Variants in CDH22 observed in about 807,000 individuals in gnomAD.
The protein encoded by CDH22 is cadherin 22.
Under a neutral mutation model 58.4 loss-of-function variants are expected in CDH22, and 30 were observed. That is an observed-to-expected ratio of 0.51 (90% CI 0.38 to 0.70). The LOEUF is 0.70. Ranked by LOEUF, CDH22 falls within the 30% of genes least tolerant of loss-of-function variation. The pLI is 0.00. For missense variants in CDH22, 1,014 were observed against 1,233.9 expected (o/e 0.82, Z 2.67); for synonymous variants, 513 against 558.2 (o/e 0.92, Z 1.14).
At chr20:46,177,800 G>T (rs952986876) in intron 11 of CDH22, 146 bp downstream of exon 11, 12 of 1,034,884 alleles carry the variant, frequency 1.2e-5, no homozygotes, top group Non-Finnish European at 1.7e-5. Context: ...CATGGGGGCT[G>T]CTTGTTAGAG....
chr20:46,297,141 C>T (rs1472425637), intron 1 of CDH22, among the ~76,000 whole-genome samples: 1 of 152,152 alleles, frequency 6.6e-6, no homozygotes, highest in Non-Finnish European at 1.5e-5. Flanking sequence ...GGGCTGGTAC[C>T]CTGGGACAGA....
chr20:46,281,681 A>T (rs1417033605), intron 1 of CDH22, among the ~76,000 whole-genome samples: 1 of 152,212 alleles, frequency 6.6e-6, no homozygotes, highest in Non-Finnish European at 1.5e-5. Flanking sequence ...GTAGCCAACA[A>T]AGGGAAATGG....
intron 1 of CDH22, among the ~76,000 whole-genome samples, chr20:46,261,955 A>G (rs1419448268): frequency 1.3e-5 from 2 of 152,100 alleles, no homozygotes; most frequent in East Asian, 3.9e-4. Context: ...TGCAACTCAC[A>G]TGAGCATGTG....
At chr20:46,299,894 T>TG (rs1280512445) in intron 1 of CDH22, among the ~76,000 whole-genome samples, 1 of 152,162 alleles carries the variant, frequency 6.6e-6, no homozygotes, top group African/African-American at 2.4e-5. Flanking sequence ...ATAGCGCTGT[T>TG]GGAGTGGGGT....
chr20:46,227,403 C>G, intron 4 of CDH22, 105 bp downstream of exon 4: 2 of 1,156,578 alleles, frequency 1.7e-6, no homozygotes. Context: ...GTCCTCAGAG[C>G]TTCTGGGACA....
intron 1 of CDH22, among the ~76,000 whole-genome samples, chr20:46,281,226 G>A (rs541127940): frequency 2.0e-5 from 3 of 152,290 alleles, no homozygotes; most frequent in Non-Finnish European, 4.4e-5. Flanking sequence ...GAAGCCCAGC[G>A]GTAGAGAGAC....
intron 4 of CDH22, among the ~76,000 whole-genome samples, chr20:46,224,913 C>A (rs2086160062): frequency 6.6e-6 from 1 of 152,236 alleles, no homozygotes; most frequent in Admixed American, 6.5e-5. Flanking sequence ...AGGGCGCAGG[C>A]TTTTGGTTTT....
chr20:46,228,175 G>A (rs2086193547), intron 3 of CDH22, among the ~76,000 whole-genome samples: 1 of 150,138 alleles, frequency 6.7e-6, no homozygotes, highest in Non-Finnish European at 1.5e-5. Context: ...GATGGTGGTA[G>A]GGGACAGCCC....
At position 46,216,046 on chromosome 20, in the gene CDH22, TG is replaced by T. The variant is rs2086082910; in HGVS notation, c.838+779del. The stretch of plus-strand genomic sequence containing the variant: ...TTATCTCTCGGGGGTCAGTCCCCTG[TG>T]GCGGGGCCTAATGTGAGAGCAGCAG... On this transcript the variant is annotated intron_variant, in intron 5 of 11. Coordinates refer to ENST00000537909, the MANE Select transcript of CDH22 (RefSeq NM_021248.3). The surrounding 1 kb of genome is among the most constrained non-coding windows in gnomAD (Gnocchi z 5.3). Among the ~76,000 whole-genome samples the T allele has an allele frequency of 5.9e-5, 9 of 152,224 alleles. No individual in the cohort carries two copies. The South Asian group carries it at 1.9e-3, about 32-fold the overall frequency.
intron 1 of CDH22, among the ~76,000 whole-genome samples, chr20:46,290,999 T>C (rs1957562491): frequency 6.6e-6 from 1 of 152,126 alleles, no homozygotes. Flanking sequence ...AACAGCTGGC[T>C]GGGCATGGTG....
At chr20:46,303,558 AAT>A (rs563742411) in intron 1 of CDH22, among the ~76,000 whole-genome samples, 13 of 151,902 alleles carry the variant, frequency 8.6e-5, no homozygotes, top group Non-Finnish European at 1.3e-4. Context: ...TTTATATGTA[AAT>A]ATATATATAT....
At chr20:46,253,250 T>C (rs2086389653) in intron 1 of CDH22, among the ~76,000 whole-genome samples, 1 of 152,218 alleles carries the variant, frequency 6.6e-6, no homozygotes, top group Non-Finnish European at 1.5e-5. Context: ...ATTTTGCAGA[T>C]GCCTAATTCC....
chr20:46,229,339 G>T (rs1460110731), intron 3 of CDH22, among the ~76,000 whole-genome samples: 1 of 148,782 alleles, frequency 6.7e-6, no homozygotes, highest in Non-Finnish European at 1.5e-5. Flanking sequence ...CAGGGGAAAA[G>T]ATTTCACTGA....
At chr20:46,264,867 C>A (rs963895119) in intron 1 of CDH22, among the ~76,000 whole-genome samples, 2 of 148,068 alleles carry the variant, frequency 1.4e-5, no homozygotes, top group Non-Finnish European at 3.0e-5. Context: ...ACACACACAC[C>A]GTGCGCACAC....
At chr20:46,223,072 G>A (rs1451459874) in intron 4 of CDH22, among the ~76,000 whole-genome samples, 3 of 152,176 alleles carry the variant, frequency 2.0e-5, no homozygotes, top group Non-Finnish European at 4.4e-5. Flanking sequence ...TGCCAGAAAG[G>A]ACCCTTTCAG....
In CDH22 at chr20:46,174,978, T is replaced by TC; in HGVS notation, c.2014dup (p.Asp672GlyfsTer206). 1 of 1,605,670 alleles carries TC rather than the reference T, an allele frequency of 6.2e-7. No individual in the cohort carries two copies. The highest frequency in any genetic ancestry group is 8.5e-7 in the Non-Finnish European group (1 of 1,179,200). ...GGTGTCCTGCTCGCCGCCGCCTTCGTCGTTGTATTTGATGACGTTGTCCCG... is the reference window on the plus strand; with the variant it reads ...GGTGTCCTGCTCGCCGCCGCCTTCGTCCGTTGTATTTGATGACGTTGTCCCG... On this transcript the variant is annotated frameshift_variant, in exon 12 of 12. Coordinates refer to ENST00000537909, the MANE Select transcript of CDH22 (RefSeq NM_021248.3). LOFTEE classifies it low-confidence loss of function (END_TRUNC). This position sits in a 1 kb window ranked among gnomAD's most constrained non-coding sequence, Gnocchi z 4.4.
intron 7 of CDH22, among the ~76,000 whole-genome samples, chr20:46,205,026 G>A (rs989996103): frequency 6.6e-6 from 1 of 152,168 alleles, no homozygotes; most frequent in Admixed American, 6.5e-5. Flanking sequence ...GTGTCGGGGT[G>A]TAGTTCGGGA....
intron 4 of CDH22, among the ~76,000 whole-genome samples, chr20:46,221,321 G>A (rs1274754371): frequency 7.2e-6 from 1 of 138,696 alleles, no homozygotes; most frequent in Non-Finnish European, 1.5e-5. Context: ...GACTGATAGA[G>A]AAATCCAGTT....
intron 10 of CDH22, among the ~76,000 whole-genome samples, chr20:46,186,220 A>T (rs931976708): frequency 9.4e-5 from 14 of 148,864 alleles, no homozygotes; most frequent in Admixed American, 4.0e-4. Flanking sequence ...AAAAAAAAAA[A>T]ATCAAATAAA....
Sources: allele counts gnomAD v4.1 joint callset (sites outside exome capture counted in the v4.1 genomes callset), GRCh38; gene constraint gnomAD v4.1.1; non-coding constraint Gnocchi (gnomAD v3.1); transcripts MANE v1.5; gene names NCBI Gene and HGNC (gene_info 2026-07-23, HGNC 2026-07-21).